The following CCBE1 variants were observed in gnomAD, a reference collection of about 807,000 sequenced individuals.
CCBE1 encodes collagen and calcium-binding EGF domain-containing protein 1.
CCBE1 carries 37 observed loss-of-function variants against 50.0 expected under a neutral mutation model. The ratio of observed to expected loss-of-function variants is 0.74; its 90% CI spans 0.57 to 0.97. The LOEUF is 0.97. CCBE1 is among the 50% of genes least tolerant of loss of function. CCBE1 has a pLI of 0.00. For missense variants in CCBE1, 538 were observed against 523.8 expected (o/e 1.03, Z -0.26); for synonymous variants, 234 against 203.7 (o/e 1.15, Z -1.27).
In CCBE1 at chr18:59,469,479, A is replaced by T. The variant is rs1483000193; in HGVS notation, c.394T>A (p.Cys132Ser). The change falls in exon 4 of 11, where the codon TGT becomes AGT. Residue 132 changes from cysteine (C) to serine (S), a missense_variant. By Grantham distance (112) the Cys-to-Ser change is moderately radical (BLOSUM62 -1). Transcript: ENST00000439986. ...AAGCACATTCCCAACACACCCAGAC[A>T]GTATGGCTTCTCCCGCTTCCGGTGT... ...ERHRKREKPY[C>S]LDIDECASSN... 1 of 1,614,106 alleles carries T rather than the reference A, an allele frequency of 6.2e-7. No individual in the cohort carries two copies. Among genetic ancestry groups the T allele is most frequent in the Non-Finnish European group, 8.5e-7 (1 of 1,180,042 alleles).
chr18:59,685,242 T>C (rs1027217394), intron 2 of CCBE1, among the ~76,000 whole-genome samples: 1 of 152,168 alleles, frequency 6.6e-6, no homozygotes, highest in African/African-American at 2.4e-5. Flanking sequence ...AGATTTGGAA[T>C]GGCTCAGCTT....
rs2054807330 is a variant in CCBE1, at chr18:59,696,635, C to T, written c.206G>A (p.Cys69Tyr). The T allele has an allele frequency of 6.2e-7, 1 of 1,614,006 alleles. No individual in the cohort carries two copies. The highest frequency in any genetic ancestry group is 8.5e-7 in the Non-Finnish European group (1 of 1,179,952). Reference sequence around the variant, plus strand: ...GCAGAGCCCCCAGGCTTACCTGTAGCATGTGGTGAGCTCGCCTGAAGACTT... The same window carrying T: ...GCAGAGCCCCCAGGCTTACCTGTAGTATGTGGTGAGCTCGCCTGAAGACTT... ...CLKSSGELTT[C>Y]YRKKCCKGYK... Residue 69 changes from cysteine to tyrosine, a missense_variant, in exon 2 of 11, where the codon TGC becomes TAC. Cys to Tyr is a radical substitution (Grantham distance 194). Transcript: ENST00000439986.
intron 6 of CCBE1, among the ~76,000 whole-genome samples, chr18:59,453,904 G>A (rs930415316): frequency 2.6e-5 from 4 of 152,024 alleles, no homozygotes; most frequent in Non-Finnish European, 4.4e-5. Context: ...GACCCATCCC[G>A]GGGCATTACT....
rs757327837 is a variant in CCBE1, at chr18:59,510,364, A to G, written c.213-30126T>C. 8.5e-5 allele frequency among the ~76,000 whole-genome samples: 13 copies of G among 152,128 alleles called. 1 individual carries two copies. The highest frequency in any genetic ancestry group is 1.8e-4 in the Non-Finnish European group (12 of 68,024). On this transcript the variant is annotated intron_variant, in intron 2 of 10. Transcript: ENST00000439986. ...ATGGAAGCTCATTAACTGAGACATT[A>G]TCAATTGTAAGATGCACCATTAGTC... is the stretch of plus-strand genomic sequence containing the variant.
intron 2 of CCBE1, among the ~76,000 whole-genome samples, chr18:59,547,771 C>T (rs540745819): frequency 3.3e-5 from 5 of 152,180 alleles, no homozygotes; most frequent in East Asian, 1.9e-4. Flanking sequence ...GTGTGGGCTA[C>T]GTCTGGGCGG....
intron 2 of CCBE1, among the ~76,000 whole-genome samples, chr18:59,542,809 T>C (rs1485422546): frequency 6.6e-6 from 1 of 152,158 alleles, no homozygotes; most frequent in African/African-American, 2.4e-5. Context: ...CTGGTGCCAC[T>C]GCAGAAGTGC....
chr18:59,495,913 A>G (rs898375366), intron 2 of CCBE1, among the ~76,000 whole-genome samples: 1 of 152,182 alleles, frequency 6.6e-6, no homozygotes, highest in African/African-American at 2.4e-5. Context: ...ACACGTGACT[A>G]AACTCAACCA....
chr18:59,580,529 C>A (rs1387510713), intron 2 of CCBE1, among the ~76,000 whole-genome samples: 2 of 152,182 alleles, frequency 1.3e-5, no homozygotes, highest in Non-Finnish European at 1.5e-5. Flanking sequence ...TTAACTGAGA[C>A]TTGTCTCAGA....
intron 2 of CCBE1, among the ~76,000 whole-genome samples, chr18:59,617,444 G>C (rs566319289): frequency 6.6e-6 from 1 of 152,186 alleles, no homozygotes; most frequent in Non-Finnish European, 1.5e-5. Flanking sequence ...TTGCCCAAAG[G>C]TCAGCTTAGA....
chr18:59,597,989 A>G (rs1490410631), intron 2 of CCBE1, among the ~76,000 whole-genome samples: 1 of 152,172 alleles, frequency 6.6e-6, no homozygotes, highest in East Asian at 1.9e-4. Flanking sequence ...GGGAATGGGG[A>G]GGGAGAGAAG....
chr18:59,504,587 T>C (rs8095899), intron 2 of CCBE1, among the ~76,000 whole-genome samples: 43,629 of 152,006 alleles, frequency 0.29, 6,504 homozygotes, highest in Middle Eastern at 0.36. Context: ...GAAATAAAGA[T>C]GGGGGCAGAG....
intron 10 of CCBE1, among the ~76,000 whole-genome samples, chr18:59,437,532 C>T (rs563801871): frequency 3.3e-5 from 5 of 152,140 alleles, no homozygotes; most frequent in Admixed American, 6.5e-5. Context: ...TGGCCACAGC[C>T]GCTGGATTTC....
chr18:59,532,244 G>A (rs1219280696), intron 2 of CCBE1, among the ~76,000 whole-genome samples: 3 of 152,094 alleles, frequency 2.0e-5, no homozygotes, highest in Non-Finnish European at 2.9e-5. Context: ...ATGGGGTTTT[G>A]TCATGTTGCC....
chr18:59,616,923 C>T (rs904546857), intron 2 of CCBE1, among the ~76,000 whole-genome samples: 2 of 152,148 alleles, frequency 1.3e-5, no homozygotes, highest in African/African-American at 4.8e-5. Flanking sequence ...TTCACATCTG[C>T]TAAATGGGAA....
intron 2 of CCBE1, among the ~76,000 whole-genome samples, chr18:59,598,094 A>G (rs1331919321): frequency 6.6e-6 from 1 of 152,218 alleles, no homozygotes; most frequent in African/African-American, 2.4e-5. Context: ...AACCAGTATC[A>G]TGCCCTCATC....
rs537575659 is a variant in CCBE1 at position 59,640,355 on chromosome 18, A to G, written c.212+56274T>C. ...CCCCTACAACCATCTGATCTTCAAC[A>G]AAGTCAACAAAAACAAGCAATAGGG... On this transcript the variant is annotated intron_variant, in intron 2 of 10. Transcript: ENST00000439986. 3.3e-5 allele frequency among the ~76,000 whole-genome samples: 5 copies of G among 152,336 alleles called. No homozygotes were observed. The South Asian group carries it at 6.2e-4, about 19-fold the overall frequency.
At chr18:59,659,906 T>G (rs2054259141) in intron 2 of CCBE1, among the ~76,000 whole-genome samples, 1 of 152,196 alleles carries the variant, frequency 6.6e-6, no homozygotes, top group Non-Finnish European at 1.5e-5. Flanking sequence ...CTCCCAGTTC[T>G]AAGTTTGTGT....
Position 59,697,372 on chromosome 18 carries a change from C to T in CCBE1, c.-30G>A. ...GAAGCTCCCGGCTTCTTCCCAGCGC[C>T]GAGCTCCGTCCGGACCAAGCGTCCT... is the stretch of plus-strand genomic sequence containing the variant. On this transcript the variant is annotated 5_prime_UTR_variant, in exon 1 of 11. Transcript: ENST00000439986. 2 of 1,541,300 alleles carry T rather than the reference C, an allele frequency of 1.3e-6. No homozygotes were observed.
At chr18:59,615,519 A>G (rs560527498) in intron 2 of CCBE1, among the ~76,000 whole-genome samples, 2 of 151,168 alleles carry the variant, frequency 1.3e-5, no homozygotes, top group African/African-American at 4.8e-5. Flanking sequence ...AAAAGACAGA[A>G]GAGATCTTTA....
Sources: allele counts gnomAD v4.1 joint callset (sites outside exome capture counted in the v4.1 genomes callset), GRCh38; gene constraint gnomAD v4.1.1; transcripts MANE v1.5; gene names NCBI Gene and HGNC (gene_info 2026-07-23, HGNC 2026-07-21).